Variants in ABCC2 observed in about 807,000 individuals in gnomAD.
ABCC2 encodes the protein ATP binding cassette subfamily C member 2.
ABCC2 carries 157 observed loss-of-function variants against 173.4 expected under a neutral mutation model. The ratio of observed to expected loss-of-function variants is 0.91; its 90% CI spans 0.80 to 1.03. The LOEUF (loss-of-function observed/expected upper bound fraction) is 1.03. Ranked by LOEUF, ABCC2 falls within the 50% of genes least tolerant of loss-of-function variation. The probability of loss-of-function intolerance (pLI) is 0.00; values close to 1 mark genes in which losing one functional copy is unlikely to be tolerated. For missense variants in ABCC2, 1,822 were observed against 1,852.3 expected (o/e 0.98, Z 0.30); for synonymous variants, 657 against 693.5 (o/e 0.95, Z 0.83).
intron 19 of ABCC2, among the ~76,000 whole-genome samples, chr10:99,820,515 T>C (rs1290279351): frequency 6.6e-6 from 1 of 152,004 alleles, no homozygotes; most frequent in East Asian, 1.9e-4. Context: ...TCCCAGCCCT[T>C]TGGAGGCCAA....
chr10:99,826,235 A>C (rs960621311), intron 19 of ABCC2, among the ~76,000 whole-genome samples: 7 of 152,250 alleles, frequency 4.6e-5, no homozygotes, highest in African/African-American at 1.7e-4. Context: ...TTATTGCTTG[A>C]GCCATAAGCA....
chr10:99,817,653 T>A (rs1457731284), intron 17 of ABCC2, among the ~76,000 whole-genome samples, 169 bp downstream of exon 17: 3 of 152,192 alleles, frequency 2.0e-5, no homozygotes, highest in African/African-American at 4.8e-5. Flanking sequence ...CAATATTCCA[T>A]GTAAATAACT....
At position 99,845,936 on chromosome 10, in the gene ABCC2, A is replaced by G. The variant is rs3740065; in HGVS notation, c.4146+154A>G. Reference sequence around the variant, plus strand: ...GCTAGTTCCCTAGGATGGACACGTCATTTCCAGAACTTTGAAATGTTTGGT... The same window carrying G: ...GCTAGTTCCCTAGGATGGACACGTCGTTTCCAGAACTTTGAAATGTTTGGT... On this transcript the variant is annotated intron_variant, in intron 29 of 31. Transcript: ENST00000647814. Among the ~76,000 whole-genome samples, 23,089 of 152,192 alleles carry G rather than the reference A, an allele frequency of 0.15. 2,029 individuals are homozygous for G. The highest frequency in any genetic ancestry group is 0.33 in the East Asian group (1,725 of 5,180).
At position 99,800,265 on chromosome 10, in the gene ABCC2, C is replaced by A. The variant is rs1018464162; in HGVS notation, c.1032-121C>A. On this transcript the variant is annotated intron_variant, in intron 8 of 31. Transcript: ENST00000647814. ...ACTTAGGTCTTTCAAAGGCTTTGGA[C>A]AATTCTGGTCACTTTTGTTACCTAC... The A allele has an allele frequency of 4.7e-6, 5 of 1,073,808 alleles. No homozygotes were observed. In the African/African-American group the frequency reaches 7.8e-5, roughly 17 times the overall value. The allele number at this position is 1,073,808 out of a possible 1,614,324, so 66.5% of individuals were successfully genotyped here. A position where few individuals can be genotyped will look rare whatever the true frequency, so the allele number is the denominator to read the frequency against.
chr10:99,787,451 C>CT (rs143268443), intron 2 of ABCC2, among the ~76,000 whole-genome samples: 9 of 149,556 alleles, frequency 6.0e-5, no homozygotes, highest in African/African-American at 2.3e-4. Flanking sequence ...TATTTTACCC[C>CT]TTTTTTTGGG....
chr10:99,816,893 T>C (rs1354093409), intron 16 of ABCC2, among the ~76,000 whole-genome samples: 1 of 152,130 alleles, frequency 6.6e-6, no homozygotes, highest in Non-Finnish European at 1.5e-5. Flanking sequence ...ACCCCATCTA[T>C]GGAAAAATTG....
intron 15 of ABCC2, 46 bp from the exon 16 acceptor site, chr10:99,812,972 A>G: frequency 6.2e-7 from 1 of 1,611,334 alleles, no homozygotes; most frequent in Non-Finnish European, 8.5e-7. Flanking sequence ...CTACTCTTCA[A>G]TACCCAACCC....
intron 30 of ABCC2, 35 bp from the exon 31 acceptor site, chr10:99,850,567 A>G (rs1314443431): frequency 1.2e-6 from 2 of 1,609,896 alleles, no homozygotes; most frequent in South Asian, 1.1e-5. Flanking sequence ...CTTGGTCTTT[A>G]GGAGCTAACA....
intron 25 of ABCC2, among the ~76,000 whole-genome samples, chr10:99,836,745 G>A (rs1460887182): frequency 6.6e-6 from 1 of 152,174 alleles, no homozygotes; most frequent in African/African-American, 2.4e-5. Context: ...AGTGGAGGTT[G>A]GAGAGAGGAG....
At chr10:99,843,585 G>A (rs764498282) in intron 26 of ABCC2, among the ~76,000 whole-genome samples, 24 of 152,174 alleles carry the variant, frequency 1.6e-4, no homozygotes, top group Non-Finnish European at 2.8e-4. Flanking sequence ...TGCCCTTCGC[G>A]TGAGCACCTA....
At chr10:99,847,612 A>T (rs1312881257) in intron 30 of ABCC2, among the ~76,000 whole-genome samples, 1 of 148,240 alleles carries the variant, frequency 6.7e-6, no homozygotes, top group Non-Finnish European at 1.5e-5. Flanking sequence ...AAAAAAAAAA[A>T]ATCAACTCTT....
At chr10:99,787,447 A>G (rs1196112297) in intron 2 of ABCC2, among the ~76,000 whole-genome samples, 2 of 150,100 alleles carry the variant, frequency 1.3e-5, no homozygotes, top group Non-Finnish European at 1.5e-5. Context: ...TTGATATTTT[A>G]CCCCTTTTTT....
intron 3 of ABCC2, 59 bp from the exon 4 acceptor site, chr10:99,793,492 C>T: frequency 6.2e-7 from 1 of 1,608,504 alleles, no homozygotes; most frequent in African/African-American, 1.3e-5. Flanking sequence ...ACATCCTTCT[C>T]CCCTCAGTCC....
chr10:99,792,101 C>A (rs1274088432), intron 2 of ABCC2, 133 bp from the exon 3 acceptor site: 14 of 1,182,814 alleles, frequency 1.2e-5, no homozygotes, highest in South Asian at 7.5e-5. Flanking sequence ...TGTATCCATT[C>A]TTTCCAGAAA....
At chr10:99,842,876 C>T (rs1467299847) in intron 26 of ABCC2, among the ~76,000 whole-genome samples, 2 of 151,972 alleles carry the variant, frequency 1.3e-5, no homozygotes, top group Admixed American at 1.3e-4. Context: ...ATGGTGAAAC[C>T]CCATCTCTAC....
chr10:99,796,097 T>A (rs2037906865), intron 6 of ABCC2, among the ~76,000 whole-genome samples: 1 of 152,088 alleles, frequency 6.6e-6, no homozygotes, highest in South Asian at 2.1e-4. Context: ...ACATAGTGGC[T>A]CACACCTGTA....
rs781481868 is a variant in ABCC2 at position 99,834,536 on chromosome 10, G to A, written c.3414+1G>A. The stretch of plus-strand genomic sequence containing the variant: ...TGGCATTATTTATGTATCTGTTCAG[G>A]TAGGTTTGGAAATGGCTAAGTCATC... On this transcript the variant is annotated splice_donor_variant, in intron 24 of 31. Transcript: ENST00000647814. LOFTEE classifies it high-confidence loss of function. The A allele has an allele frequency of 8.1e-6, 13 of 1,614,122 alleles. No homozygotes were observed. Among genetic ancestry groups the A allele is most frequent in the Middle Eastern group, 3.3e-4 (2 of 6,062 alleles).
chr10:99,846,766 C>G (rs2039023006), intron 29 of ABCC2, among the ~76,000 whole-genome samples, 195 bp from the exon 30 acceptor site: 2 of 152,106 alleles, frequency 1.3e-5, no homozygotes, highest in South Asian at 4.1e-4. Flanking sequence ...GACTTCTAAC[C>G]CTGTGCCTAG....
chr10:99,847,121 A>G lies in ABCC2; in HGVS notation c.4307A>G (p.Asn1436Ser). 1.9e-6 allele frequency: 3 copies of G among 1,614,056 alleles called. No homozygotes were observed. The change falls in exon 30 of 32, where the codon AAC (asparagine) becomes AGC (serine). Residue 1436 changes from asparagine (N) to serine (S), a missense_variant. Transcript: ENST00000647814. ...CACGAAGTGACAGAGGCTGGTGGCAACCTGAGGTAATGTTCCATAGCCTGC... is the reference window on the plus strand; with the variant it reads ...CACGAAGTGACAGAGGCTGGTGGCAGCCTGAGGTAATGTTCCATAGCCTGC... Reference protein sequence around the residue: ...LSHEVTEAGGNLSIGQRQLLC... With the variant: ...LSHEVTEAGGSLSIGQRQLLC...
Sources: gnomAD v4.1 joint callset for allele counts (sites outside exome capture counted in the v4.1 genomes callset) on GRCh38, gnomAD v4.1.1 for gene constraint, MANE v1.5 for transcripts, NCBI Gene and HGNC (gene_info 2026-07-23, HGNC 2026-07-21) for gene names.